The following PADI4 variants were observed in gnomAD, a reference collection of about 807,000 sequenced individuals.
The protein encoded by PADI4 is protein-arginine deiminase type-4.
PADI4 carries 62 observed loss-of-function variants against 75.0 expected under a neutral mutation model. That is an observed-to-expected ratio of 0.83 (90% confidence interval 0.67 to 1.02). The LOEUF is 1.02. Ranked by LOEUF, PADI4 falls within the 50% of genes least tolerant of loss-of-function variation. The probability of loss-of-function intolerance (pLI) is 0.00; values close to 1 mark genes in which losing one functional copy is unlikely to be tolerated. For synonymous variants in PADI4, 361 were observed against 348.1 expected, an observed-to-expected ratio of 1.04 and a Z score of -0.41; for missense variants, 845 against 850.5, an observed-to-expected ratio of 0.99 and a Z score of 0.08.
At chr1:17,342,481 G>T (rs1748019) in intron 8 of PADI4, 79 bp downstream of exon 8, 3 of 851,392 alleles carry the variant, frequency 3.5e-6, no homozygotes, top group Non-Finnish European at 5.7e-6. Flanking sequence ...CTGTGTGATG[G>T]GAAAAACAGT....
chr1:17,334,508 G>A (rs902119571), intron 3 of PADI4: 34 of 447,390 alleles, frequency 7.6e-5, no homozygotes, highest in African/African-American at 6.4e-4. Context: ...TCACCATGTT[G>A]GCCAGGCTGG....
intron 10 of PADI4, among the ~76,000 whole-genome samples, chr1:17,350,530 G>A (rs1399699181): frequency 2.3e-5 from 3 of 130,550 alleles, no homozygotes; most frequent in African/African-American, 7.5e-5. Context: ...GCTTTCCAAC[G>A]TTGTGCCTCA....
At chr1:17,359,485 G>A in intron 15 of PADI4, 77 bp downstream of exon 15, 1 of 1,598,034 alleles carries the variant, frequency 6.3e-7, no homozygotes, top group Non-Finnish European at 8.5e-7. Context: ...GGGGCACCCG[G>A]GCGGTCCCAG....
In PADI4 at chr1:17,359,392, C is replaced by CT. The variant is rs747053329; in HGVS notation, c.1748dup (p.Asn585GlnfsTer128). 8 of 1,614,090 alleles carry CT rather than the reference C, an allele frequency of 5.0e-6. No individual in the cohort carries two copies. Among genetic ancestry groups the CT allele is most frequent in the Non-Finnish European group, 6.8e-6 (8 of 1,179,976 alleles). On this transcript the variant is annotated frameshift_variant, in exon 15 of 16. Transcript: ENST00000375448. LOFTEE classifies it high-confidence loss of function. ...CTCAAAGAGTTCTCTAAGGCGGAAG[C>CT]TTTTTTCCCCAACATGGTGAGGAGG...
Position 17,342,052 on chromosome 1 carries a change from C to T in PADI4, c.762C>T (p.Leu254=), listed in dbSNP as rs138788718. 302 of 1,613,944 alleles carry T rather than the reference C, an allele frequency of 1.9e-4. No homozygotes were observed. Among genetic ancestry groups the T allele is most frequent in the Non-Finnish European group, 2.5e-4 (293 of 1,179,946 alleles). ...ACATGGACTTCTACGTGGAGGCCCT[C>T]GCTTTCCCGGACACCGACTTCCCGG... ...KHNMDFYVEA[L]AFPDTDFPGL... is the part of the protein sequence containing the mutation. Residue 254 remains leucine, a synonymous_variant, in exon 7 of 16, where the codon CTC becomes CTT. Transcript: ENST00000375448.
At chr1:17,348,964 C>T (rs1412338259) in intron 10 of PADI4, among the ~76,000 whole-genome samples, 2 of 152,096 alleles carry the variant, frequency 1.3e-5, no homozygotes, top group Non-Finnish European at 2.9e-5. Flanking sequence ...TGTACTGTGC[C>T]CCAAGGGAGG....
chr1:17,310,481 C>T (rs954419610), intron 1 of PADI4, among the ~76,000 whole-genome samples: 4 of 152,212 alleles, frequency 2.6e-5, no homozygotes, highest in African/African-American at 9.7e-5. Flanking sequence ...CTCCTCACCT[C>T]CGCCCCTCAT....
chr1:17,343,339 C>T (rs928504567), intron 8 of PADI4, among the ~76,000 whole-genome samples: 1 of 152,204 alleles, frequency 6.6e-6, no homozygotes, highest in Non-Finnish European at 1.5e-5. Context: ...AGGCAATCTT[C>T]CTGCAGTCTG....
intron 13 of PADI4, 42 bp from the exon 14 acceptor site, chr1:17,358,796 C>T (rs372623383): frequency 8.5e-5 from 117 of 1,382,890 alleles, no homozygotes; most frequent in Admixed American, 1.7e-4. Flanking sequence ...GGAAATCGAC[C>T]TCTAAGTTCA....
chr1:17,345,797 G>A (rs1285788185), intron 8 of PADI4, among the ~76,000 whole-genome samples: 5 of 152,110 alleles, frequency 3.3e-5, no homozygotes, highest in African/African-American at 9.7e-5. Context: ...TATCAGCAGC[G>A]TGAAAACGGA....
chr1:17,313,370 G>A (rs1201207017), intron 1 of PADI4, among the ~76,000 whole-genome samples: 1 of 150,968 alleles, frequency 6.6e-6, no homozygotes, highest in Non-Finnish European at 1.5e-5. Context: ...GCGTGGTGGT[G>A]CATGCCTGTA....
chr1:17,308,206 G>T lies in PADI4; in HGVS notation c.-17G>T. 1 of 1,611,618 alleles carries T rather than the reference G, an allele frequency of 6.2e-7. No homozygotes were observed. Among genetic ancestry groups the T allele is most frequent in the Non-Finnish European group, 8.5e-7 (1 of 1,177,938 alleles). ...CCCAGGGGCTTCCTACAGCCAGAGG[G>T]ACGAGCTAGCCCGACGATGGCCCAG... On this transcript the variant is annotated 5_prime_UTR_variant, in exon 1 of 16. Coordinates refer to ENST00000375448, the MANE Select transcript of PADI4 (RefSeq NM_012387.3).
At chr1:17,360,088 G>A (rs1415616945) in intron 15 of PADI4, among the ~76,000 whole-genome samples, 1 of 152,090 alleles carries the variant, frequency 6.6e-6, no homozygotes, top group Non-Finnish European at 1.5e-5. Context: ...TCAGGAGTTC[G>A]ACACCAGCCT....
At position 17,342,345 on chromosome 1, in the gene PADI4, TGGC is replaced by T. The variant is rs746366137; in HGVS notation, c.880_882del (p.Ala294del). On this transcript the variant is annotated inframe_deletion, in exon 8 of 16. Transcript: ENST00000375448. ...TTCCAAGACAGCGTGGTCTTCCGCG[TGGC>T]GCCCTGGATCATGACCCCCAACACC... 23 of 1,613,942 alleles carry T rather than the reference TGGC, an allele frequency of 1.4e-5. No individual in the cohort carries two copies. The highest frequency in any genetic ancestry group is 1.9e-5 in the Non-Finnish European group (23 of 1,179,974).
intron 10 of PADI4, among the ~76,000 whole-genome samples, chr1:17,354,005 C>T (rs1253551089): frequency 2.7e-5 from 4 of 150,360 alleles, no homozygotes; most frequent in African/African-American, 7.4e-5. Context: ...TTTGGGAGGT[C>T]GAGGCAGATG....
intron 1 of PADI4, among the ~76,000 whole-genome samples, chr1:17,319,521 T>C (rs1363107207): frequency 6.6e-6 from 1 of 152,076 alleles, no homozygotes; most frequent in Non-Finnish European, 1.5e-5. Context: ...TGCACTGTGC[T>C]TAAAAAAAGA....
chr1:17,328,115 C>G (rs2074144994), intron 1 of PADI4, among the ~76,000 whole-genome samples: 1 of 152,096 alleles, frequency 6.6e-6, no homozygotes, highest in Admixed American at 6.5e-5. Flanking sequence ...CCTTGACCTC[C>G]TGGACTCAAG....
At chr1:17,318,868 T>G (rs560490297) in intron 1 of PADI4, among the ~76,000 whole-genome samples, 362 of 152,144 alleles carry the variant, frequency 2.4e-3, no homozygotes, top group South Asian at 0.016. Context: ...TTTTGTATTT[T>G]TAATAGAGAT....
At chr1:17,331,555 A>G (rs2074212882) in intron 2 of PADI4, among the ~76,000 whole-genome samples, 2 of 152,346 alleles carry the variant, frequency 1.3e-5, no homozygotes, top group South Asian at 2.1e-4. Flanking sequence ...GGAGGCCACA[A>G]ACTGGTAGCC....
Sources: allele counts gnomAD v4.1 joint callset (sites outside exome capture counted in the v4.1 genomes callset), GRCh38; gene constraint gnomAD v4.1.1; transcripts MANE v1.5; gene names NCBI Gene and HGNC (gene_info 2026-07-23, HGNC 2026-07-21).